The following DNAH7 variants were observed in gnomAD, a reference collection of about 807,000 sequenced individuals.
DNAH7 encodes axonemal beta dynein heavy chain 7.
DNAH7 carries 397 observed loss-of-function variants against 444.6 expected under a neutral mutation model. The ratio of observed to expected loss-of-function variants is 0.89; its 90% CI spans 0.82 to 0.97. The LOEUF (loss-of-function observed/expected upper bound fraction) is 0.97. Ranked by LOEUF, DNAH7 falls within the 50% of genes least tolerant of loss-of-function variation. DNAH7 has a pLI of 0.00. For synonymous variants in DNAH7, 1,636 were observed against 1,624.4 expected (o/e 1.01, Z -0.17); for missense variants, 4,902 against 4,800.8 (o/e 1.02, Z -0.62).
Position 195,855,855 on chromosome 2 carries a change from T to C in DNAH7, c.8551A>G (p.Thr2851Ala). 2 of 1,614,064 alleles carry C rather than the reference T, an allele frequency of 1.2e-6. No homozygotes were observed. Among genetic ancestry groups the C allele is most frequent in the Non-Finnish European group, 1.7e-6 (2 of 1,179,952 alleles). Residue 2851 changes from threonine to alanine, a missense_variant, in exon 45 of 65, where the codon ACA becomes GCA. Physicochemically the swap from Thr to Ala is moderately conservative, Grantham distance 58 (BLOSUM62 0). Coordinates refer to ENST00000312428, the MANE Select transcript of DNAH7 (RefSeq NM_018897.3). ...TTCTTTTGTTTATTTAATTCAAGTG[T>C]GTCTTGAAGCCTGGCCAGCTTGTCC... ...VQDKLARLQD[T>A]LELNKQKKAD... is the part of the protein sequence containing the mutation.
At chr2:195,995,465 T>C (rs1693637912) in intron 12 of DNAH7, 2 of 365,044 alleles carry the variant, frequency 5.5e-6, no homozygotes, top group South Asian at 4.6e-5. Context: ...CAGCTCTTCT[T>C]TTGCCCTCAG....
chr2:195,811,029 ATAT>A (rs1384261148), intron 51 of DNAH7, among the ~76,000 whole-genome samples: 1 of 152,200 alleles, frequency 6.6e-6, no homozygotes, highest in Non-Finnish European at 1.5e-5. Flanking sequence ...AAGGTTAATC[ATAT>A]TATAAGTTCA....
chr2:195,809,815 G>A lies in DNAH7; in HGVS notation c.9818C>T (p.Ser3273Leu). ...GAGCAGCTTATCCTTTTCAAAGAGT[G>A]ACCGGCAGACATTAACATACAGTGA... Reference protein sequence around the residue: ...TYSLYVNVCRSLFEKDKLLFS... With the variant: ...TYSLYVNVCRLLFEKDKLLFS... The change falls in exon 52 of 65, where the codon TCA becomes TTA. Residue 3273 changes from serine to leucine, a missense_variant. Physicochemically the swap from Ser to Leu is moderately radical, Grantham distance 145. Coordinates refer to ENST00000312428, the MANE Select transcript of DNAH7 (RefSeq NM_018897.3). 6.3e-7 allele frequency: 1 copy of A among 1,598,846 alleles called. No individual in the cohort carries two copies. Among genetic ancestry groups the A allele is most frequent in the South Asian group, 1.1e-5 (1 of 88,530 alleles).
intron 58 of DNAH7, among the ~76,000 whole-genome samples, chr2:195,785,484 A>G (rs1170600176): frequency 6.6e-6 from 1 of 151,406 alleles, no homozygotes; most frequent in Admixed American, 6.6e-5. Flanking sequence ...TTGGTGGGAA[A>G]GCTTCTAGTT....
intron 54 of DNAH7, among the ~76,000 whole-genome samples, chr2:195,804,864 G>A (rs771787028): frequency 5.0e-4 from 76 of 152,250 alleles, no homozygotes; most frequent in Admixed American, 2.1e-3. Context: ...GTAAAATGGG[G>A]AAACTGTAGA....
At chr2:196,036,874 A>T (rs1183640152) in intron 5 of DNAH7, among the ~76,000 whole-genome samples, 1 of 152,134 alleles carries the variant, frequency 6.6e-6, no homozygotes, top group East Asian at 1.9e-4. Flanking sequence ...CCAGGGCTCA[A>T]CACTGCCGGT....
intron 34 of DNAH7, among the ~76,000 whole-genome samples, chr2:195,885,933 C>A (rs1701683347): frequency 6.6e-6 from 1 of 152,220 alleles, no homozygotes; most frequent in Non-Finnish European, 1.5e-5. Flanking sequence ...TCCGCCCGAA[C>A]CTCATGATGC....
At chr2:195,929,806 G>A (rs1688570842) in intron 21 of DNAH7, among the ~76,000 whole-genome samples, 1 of 152,192 alleles carries the variant, frequency 6.6e-6, no homozygotes, top group Non-Finnish European at 1.5e-5. Context: ...CTAGACATTG[G>A]TCTTGGGAAA....
chr2:195,888,816 C>G lies in DNAH7; in HGVS notation c.5212G>C (p.Val1738Leu). 1.2e-6 allele frequency: 2 copies of G among 1,612,016 alleles called. No individual in the cohort carries two copies. Among genetic ancestry groups the G allele is most frequent in the Non-Finnish European group, 1.7e-6 (2 of 1,179,342 alleles). ...NLIFEPMDLEVASPATVSRCG... is the reference protein window; with the variant it reads ...NLIFEPMDLELASPATVSRCG... ...GAACTTACAGTGGCAGGGGAAGCAA[C>G]TTCTAAATCCATTGGCTCAAAAATT... Residue 1738 changes from valine (V) to leucine (L), a missense_variant, in exon 32 of 65, where the codon GTT becomes CTT. By Grantham distance (32) the Val-to-Leu change is conservative. Transcript: ENST00000312428.
intron 8 of DNAH7, among the ~76,000 whole-genome samples, chr2:196,022,616 A>C (rs1224585316): frequency 1.3e-5 from 2 of 152,158 alleles, no homozygotes; most frequent in Non-Finnish European, 2.9e-5. Context: ...TCCACTTCTA[A>C]TTCTTGTTCT....
chr2:195,765,363 A>G (rs1254773888), intron 61 of DNAH7, among the ~76,000 whole-genome samples: 2 of 152,204 alleles, frequency 1.3e-5, no homozygotes, highest in Non-Finnish European at 1.5e-5. Flanking sequence ...CAAACAAAGC[A>G]AAAGTAGACA....
intron 58 of DNAH7, among the ~76,000 whole-genome samples, chr2:195,786,703 A>AT (rs74418606): frequency 0.036 from 5,438 of 152,284 alleles, 219 homozygotes; most frequent in African/African-American, 0.092. Context: ...AACCTGGTTA[A>AT]TAGTCTTCTC....
Position 196,000,835 on chromosome 2 carries a change from G to C in DNAH7, c.1222C>G (p.Leu408Val). ...TCAAACTTAATGGTGTCATTATCAA[G>C]AATCAGCCTCATGATGAAACCTGGA... is the stretch of plus-strand genomic sequence containing the variant. ...EHPGFIMRLILDNDTIKFEPE... is the reference protein window; with the variant it reads ...EHPGFIMRLIVDNDTIKFEPE... Residue 408 changes from leucine to valine, a missense_variant, in exon 12 of 65, where the codon CTT becomes GTT. Leu to Val is a conservative substitution (Grantham distance 32). Transcript: ENST00000312428. 1 of 1,603,562 alleles carries C rather than the reference G, an allele frequency of 6.2e-7. No individual in the cohort carries two copies. The highest frequency in any genetic ancestry group is 8.5e-7 in the Non-Finnish European group (1 of 1,175,100).
At chr2:195,906,118 G>C (rs1335300024) in intron 27 of DNAH7, among the ~76,000 whole-genome samples, 1 of 152,044 alleles carries the variant, frequency 6.6e-6, no homozygotes. Flanking sequence ...ACACAATAGT[G>C]TGTTTCCAGC....
chr2:196,055,887 C>T (rs1259862627), intron 2 of DNAH7, among the ~76,000 whole-genome samples: 1 of 152,216 alleles, frequency 6.6e-6, no homozygotes, highest in Non-Finnish European at 1.5e-5. Context: ...CATGCTGTTG[C>T]TGAGCTATTT....
At chr2:196,052,022 C>T (rs1697504869) in intron 2 of DNAH7, among the ~76,000 whole-genome samples, 1 of 152,148 alleles carries the variant, frequency 6.6e-6, no homozygotes, top group South Asian at 2.1e-4. Context: ...CAAATAAAAC[C>T]TTTTTACTTG....
chr2:195,943,211 CA>C (rs1651054408), intron 19 of DNAH7, among the ~76,000 whole-genome samples: 1 of 152,116 alleles, frequency 6.6e-6, no homozygotes, highest in African/African-American at 2.4e-5. Context: ...TGGTCTCAGG[CA>C]TGTCTTTATT....
chr2:195,805,264 T>TA (rs1016007717), intron 54 of DNAH7, among the ~76,000 whole-genome samples: 1 of 152,144 alleles, frequency 6.6e-6, no homozygotes, highest in Non-Finnish European at 1.5e-5. Context: ...CTTTTTTTTT[T>TA]AATATTGAGG....
At chr2:195,962,240 T>C (rs1236805534) in intron 17 of DNAH7, among the ~76,000 whole-genome samples, 6 of 152,242 alleles carry the variant, frequency 3.9e-5, no homozygotes, top group African/African-American at 1.4e-4. Flanking sequence ...ATACTTATGG[T>C]GTACATGAGA....
Sources: gnomAD v4.1 joint callset for allele counts (sites outside exome capture counted in the v4.1 genomes callset) on GRCh38, gnomAD v4.1.1 for gene constraint, MANE v1.5 for transcripts, NCBI Gene and HGNC (gene_info 2026-07-23, HGNC 2026-07-21) for gene names.